Variants in RNF6 observed in about 807,000 individuals in gnomAD.
The protein encoded by RNF6 is ring finger protein 6, also known as E3 ubiquitin-protein ligase RNF6.
A neutral mutation model predicts 50.1 loss-of-function variants in RNF6; 21 were observed. The observed-to-expected ratio is 0.42, with a 90% CI of 0.30 to 0.60. The LOEUF (loss-of-function observed/expected upper bound fraction) is 0.60. Among genes scored for constraint, RNF6 ranks in the 20% least tolerant of loss-of-function variants. The pLI, the probability that RNF6 is intolerant of heterozygous loss-of-function variation, is 0.20. For synonymous variants in RNF6, 255 were observed against 291.8 expected, an observed-to-expected ratio of 0.87 and a Z score of 1.29; for missense variants, 698 against 838.2, an observed-to-expected ratio of 0.83 and a Z score of 2.07.
rs1460360961 is a variant in RNF6 at position 26,148,631 on chromosome 13, TTTA to T, written n.769-16183_769-16181del. ...AAATAGAAACAATAGTATAAATCTC[TTTA>T]TATATATATATATATATATATATAT... On this transcript the variant is annotated intron_variant and non_coding_transcript_variant, in intron 5 of 5. Transcript: ENST00000468480. Among the ~76,000 whole-genome samples the T allele has an allele frequency of 6.7e-3, 520 of 77,794 alleles. 9 individuals carry two copies. The highest frequency in any genetic ancestry group is 0.051 in the South Asian group (104 of 2,046). 51.0% of individuals were successfully genotyped at this position (77,794 alleles called of 152,430 possible).
chr13:26,142,325 T>G (rs1455981774), intron 5 of RNF6: 1 of 152,096 alleles, frequency 6.6e-6, no homozygotes, highest in Non-Finnish European at 1.5e-5. Flanking sequence ...TTTATGGAGA[T>G]TTATCAAAGA....
At chr13:26,217,290 G>A (rs1025384180) in intron 4 of RNF6, among the ~76,000 whole-genome samples, 1 of 152,206 alleles carries the variant, frequency 6.6e-6, no homozygotes, top group East Asian at 1.9e-4. Context: ...TAAAAGGCAG[G>A]TGAACATGAA....
chr13:26,194,500 A>G (rs1300605691), intron 5 of RNF6, among the ~76,000 whole-genome samples: 1 of 152,148 alleles, frequency 6.6e-6, no homozygotes, highest in Non-Finnish European at 1.5e-5. Flanking sequence ...TCATCACATC[A>G]CTAAAGGCCT....
intron 5 of RNF6, among the ~76,000 whole-genome samples, chr13:26,186,433 G>C (rs1439983210): frequency 6.6e-6 from 1 of 152,206 alleles, no homozygotes; most frequent in Non-Finnish European, 1.5e-5. Flanking sequence ...GGGACGCGCC[G>C]GGGGGCGTCT....
chr13:26,183,149 A>C (rs61558413), intron 5 of RNF6, among the ~76,000 whole-genome samples: 1,843 of 152,336 alleles, frequency 0.012, 45 homozygotes, highest in African/African-American at 0.042. Context: ...ATGCTGTTCT[A>C]TAGAAATCTG....
intron 5 of RNF6, among the ~76,000 whole-genome samples, chr13:26,151,302 G>T (rs1452350673): frequency 2.0e-5 from 3 of 149,996 alleles, no homozygotes; most frequent in Admixed American, 6.6e-5. Context: ...TCATTCCGTT[G>T]CCCAGGCTGG....
chr13:26,162,346 G>GT (rs1229741611), intron 5 of RNF6, among the ~76,000 whole-genome samples: 3 of 152,216 alleles, frequency 2.0e-5, no homozygotes, highest in Non-Finnish European at 4.4e-5. Flanking sequence ...GGAAATCGCA[G>GT]TAAAGACTAT....
At chr13:26,199,742 G>A (rs1868822504) in intron 5 of RNF6, among the ~76,000 whole-genome samples, 1 of 152,000 alleles carries the variant, frequency 6.6e-6, no homozygotes, top group Non-Finnish European at 1.5e-5. Flanking sequence ...AATGGGCAAG[G>A]ACACCTATAG....
intron 5 of RNF6, among the ~76,000 whole-genome samples, chr13:26,178,871 T>C (rs1407715063): frequency 6.6e-6 from 1 of 152,076 alleles, no homozygotes; most frequent in African/African-American, 2.4e-5. Context: ...CACATATAAG[T>C]GAGATCATGC....
chr13:26,207,682 C>A (rs1869164128), intron 5 of RNF6, among the ~76,000 whole-genome samples: 1 of 152,216 alleles, frequency 6.6e-6, no homozygotes, highest in South Asian at 2.1e-4. Context: ...GGCCTCATCT[C>A]CAAGCCCTCC....
chr13:26,161,743 T>C (rs1351067106), intron 5 of RNF6, among the ~76,000 whole-genome samples: 2 of 152,226 alleles, frequency 1.3e-5, no homozygotes, highest in Non-Finnish European at 2.9e-5. Context: ...TTTTAGAACT[T>C]AATTATAAAG....
At chr13:26,170,227 T>G (rs1872631445) in intron 5 of RNF6, among the ~76,000 whole-genome samples, 1 of 110,066 alleles carries the variant, frequency 9.1e-6, no homozygotes, top group Admixed American at 9.8e-5. Flanking sequence ...CACCTTAAAA[T>G]GCTGGATTTT....
chr13:26,138,610 G>A (rs1248935438), intron 5 of RNF6, among the ~76,000 whole-genome samples: 2 of 152,058 alleles, frequency 1.3e-5, no homozygotes, highest in Non-Finnish European at 2.9e-5. Context: ...GAGGGAAAAG[G>A]GGGTGAAGCT....
intron 5 of RNF6, among the ~76,000 whole-genome samples, chr13:26,178,165 G>A (rs961045755): frequency 6.6e-6 from 1 of 152,068 alleles, no homozygotes; most frequent in Admixed American, 6.5e-5. Context: ...CTCCAGCCTG[G>A]GCAACAGAGA....
chr13:26,133,953 T>C (rs1870518495), intron 5 of RNF6, among the ~76,000 whole-genome samples: 1 of 152,250 alleles, frequency 6.6e-6, no homozygotes, highest in Admixed American at 6.5e-5. Context: ...TATGAGACTC[T>C]GGATATCATT....
At chr13:26,175,452 G>T (rs1176664375) in intron 5 of RNF6, among the ~76,000 whole-genome samples, 1 of 152,112 alleles carries the variant, frequency 6.6e-6, no homozygotes, top group Admixed American at 6.5e-5. Context: ...ATGACCCCAG[G>T]CACACTCACC....
At position 26,200,710 on chromosome 13, in the gene RNF6, T is replaced by G. The variant is rs929191385; in HGVS notation, n.768+14764A>C. On this transcript the variant is annotated intron_variant and non_coding_transcript_variant, in intron 5 of 5. Coordinates refer to the RNF6 transcript ENST00000468480. ...GTGAGCCACCATGCCTGGCCTGAAA[T>G]TCTTAATAATTTTACCTTTGAACTA... 2.0e-5 allele frequency among the ~76,000 whole-genome samples: 3 copies of G among 152,290 alleles called. No individual in the cohort carries two copies. The East Asian group carries it at 5.8e-4, about 29-fold the overall frequency.
chr13:26,165,985 CA>C (rs1437996675), intron 5 of RNF6, among the ~76,000 whole-genome samples: 2 of 152,062 alleles, frequency 1.3e-5, no homozygotes, highest in African/African-American at 4.8e-5. Context: ...TGGGAGGGAC[CA>C]GGAGTGGAAT....
rs546156600 is a variant in RNF6, at chr13:26,150,273, G to A, written n.769-17822C>T. ...GATTCTTTCATATTATAAACCGATC[G>A]AAAGGACAACACTGATTTTAGTGAT... is the stretch of plus-strand genomic sequence containing the variant. On this transcript the variant is annotated intron_variant and non_coding_transcript_variant, in intron 5 of 5. Coordinates refer to the RNF6 transcript ENST00000468480. Among the ~76,000 whole-genome samples the A allele has an allele frequency of 7.2e-5, 11 of 151,960 alleles. No homozygotes were observed. In the South Asian group the frequency reaches 1.9e-3, roughly 26 times the overall value.
Sources: gnomAD v4.1 joint callset for allele counts (sites outside exome capture counted in the v4.1 genomes callset) on GRCh38, gnomAD v4.1.1 for gene constraint, MANE v1.5 for transcripts, NCBI Gene and HGNC (gene_info 2026-07-23, HGNC 2026-07-21) for gene names.